Variants in SLC9A9 observed in about 807,000 individuals in gnomAD.
The protein encoded by SLC9A9 is sodium/hydrogen exchanger 9.
SLC9A9 carries 62 observed loss-of-function variants against 77.8 expected under a neutral mutation model. The observed-to-expected ratio is 0.80, with a 90% CI of 0.65 to 0.98. The LOEUF (loss-of-function observed/expected upper bound fraction) is 0.98. SLC9A9 is among the 50% of genes least tolerant of loss of function. The probability of loss-of-function intolerance (pLI) is 0.00; values close to 1 mark genes in which losing one functional copy is unlikely to be tolerated. For synonymous variants in SLC9A9, 320 were observed against 283.5 expected, an observed-to-expected ratio of 1.13 and a Z score of -1.29; for missense variants, 775 against 774.9, an observed-to-expected ratio of 1.00 and a Z score of 0.00.
In SLC9A9 at chr3:143,459,958, C is replaced by T. The variant is rs150761933; in HGVS notation, c.1469+7079G>A. Among the ~76,000 whole-genome samples, 66 of 152,196 alleles carry T rather than the reference C, an allele frequency of 4.3e-4. 1 individual carries two copies. The highest frequency in any genetic ancestry group is 1.4e-3 in the African/African-American group (59 of 41,538). ...CTGCCTTTGTAACTGTTGCTGCCATCGTCACCTGTCACCTTATGATTGCTG... is the reference window on the plus strand; with the variant it reads ...CTGCCTTTGTAACTGTTGCTGCCATTGTCACCTGTCACCTTATGATTGCTG... On this transcript the variant is annotated intron_variant, in intron 12 of 15. Coordinates refer to ENST00000316549, the MANE Select transcript of SLC9A9 (RefSeq NM_173653.4).
intron 5 of SLC9A9, among the ~76,000 whole-genome samples, chr3:143,690,878 C>G (rs1017358981): frequency 6.6e-6 from 1 of 152,012 alleles, no homozygotes; most frequent in Non-Finnish European, 1.5e-5. Context: ...AGGAGAGTAC[C>G]ACCAGCTAAT....
At chr3:143,561,406 G>A (rs778537960) in intron 8 of SLC9A9, among the ~76,000 whole-genome samples, 15 of 152,058 alleles carry the variant, frequency 9.9e-5, no homozygotes, top group East Asian at 3.8e-4. Flanking sequence ...TGGACAAGGG[G>A]CATAAAAATA....
At chr3:143,723,505 G>A (rs1017354461) in intron 4 of SLC9A9, among the ~76,000 whole-genome samples, 1 of 152,096 alleles carries the variant, frequency 6.6e-6, no homozygotes, top group African/African-American at 2.4e-5. Flanking sequence ...TATTTTACAT[G>A]TTAATTCAAA....
intron 5 of SLC9A9, among the ~76,000 whole-genome samples, chr3:143,654,891 G>C (rs552391904): frequency 6.6e-6 from 1 of 152,248 alleles, no homozygotes; most frequent in South Asian, 2.1e-4. Flanking sequence ...AAGAGGAAAG[G>C]CTTTTAATTG....
At chr3:143,710,623 G>C (rs1361078403) in intron 4 of SLC9A9, among the ~76,000 whole-genome samples, 1 of 152,182 alleles carries the variant, frequency 6.6e-6, no homozygotes, top group Non-Finnish European at 1.5e-5. Flanking sequence ...CAGGTTAATG[G>C]CTTGGTCACA....
chr3:143,287,748 A>T (rs774309441), intron 14 of SLC9A9, among the ~76,000 whole-genome samples: 1 of 152,208 alleles, frequency 6.6e-6, no homozygotes, highest in Non-Finnish European at 1.5e-5. Flanking sequence ...GAATTGTTAC[A>T]CCTACAGACC....
At chr3:143,637,104 C>T (rs1001992176) in intron 6 of SLC9A9, among the ~76,000 whole-genome samples, 1 of 152,190 alleles carries the variant, frequency 6.6e-6, no homozygotes, top group Non-Finnish European at 1.5e-5. Context: ...TCAAGGATCA[C>T]ACTAGCTCTC....
At chr3:143,428,338 G>A (rs1237353083) in intron 12 of SLC9A9, among the ~76,000 whole-genome samples, 1 of 151,852 alleles carries the variant, frequency 6.6e-6, no homozygotes, top group Non-Finnish European at 1.5e-5. Context: ...TACTGAACAT[G>A]CCTAATCATC....
intron 4 of SLC9A9, among the ~76,000 whole-genome samples, chr3:143,744,540 C>T (rs1935159921): frequency 6.6e-6 from 1 of 152,162 alleles, no homozygotes; most frequent in African/African-American, 2.4e-5. Context: ...CATCGCTACT[C>T]AGCAGCCTGC....
chr3:143,678,660 C>G (rs913944235), intron 5 of SLC9A9, among the ~76,000 whole-genome samples: 1 of 152,168 alleles, frequency 6.6e-6, no homozygotes, highest in African/African-American at 2.4e-5. Flanking sequence ...TAGGCCAATA[C>G]CACACTGATT....
At chr3:143,533,811 C>T (rs1379333877) in intron 9 of SLC9A9, among the ~76,000 whole-genome samples, 2 of 152,168 alleles carry the variant, frequency 1.3e-5, no homozygotes, top group African/African-American at 2.4e-5. Context: ...ATGAAAAGCT[C>T]TATGCACATT....
chr3:143,782,729 T>C (rs1367899728), intron 4 of SLC9A9, among the ~76,000 whole-genome samples: 2 of 152,234 alleles, frequency 1.3e-5, no homozygotes, highest in Non-Finnish European at 2.9e-5. Flanking sequence ...TTTACAAATC[T>C]TTTTATGAAC....
At chr3:143,429,388 T>G (rs368271372) in intron 12 of SLC9A9, among the ~76,000 whole-genome samples, 37 of 152,196 alleles carry the variant, frequency 2.4e-4, no homozygotes, top group African/African-American at 8.9e-4. Flanking sequence ...ACTTGAGATG[T>G]CATAATAGGA....
chr3:143,693,117 G>T, intron 5 of SLC9A9, 75 bp downstream of exon 5: 1 of 1,105,006 alleles, frequency 9.0e-7, no homozygotes, highest in Non-Finnish European at 1.4e-6. Context: ...AGACGCAGGT[G>T]ATGGTCTTGG....
At chr3:143,617,317 C>T (rs553728517) in intron 6 of SLC9A9, among the ~76,000 whole-genome samples, 2 of 152,308 alleles carry the variant, frequency 1.3e-5, no homozygotes, top group East Asian at 3.9e-4. Context: ...CATATGGCTG[C>T]TTTTGCACTA....
At chr3:143,606,721 G>A (rs894921104) in intron 6 of SLC9A9, among the ~76,000 whole-genome samples, 5 of 151,668 alleles carry the variant, frequency 3.3e-5, no homozygotes, top group Non-Finnish European at 7.4e-5. Flanking sequence ...CAGCTCAACC[G>A]AGAATTAGAA....
chr3:143,773,937 C>T (rs751179146), intron 4 of SLC9A9, among the ~76,000 whole-genome samples: 31 of 152,168 alleles, frequency 2.0e-4, no homozygotes, highest in Non-Finnish European at 3.4e-4. Context: ...AGGGGTTTTA[C>T]AAATGTTGGT....
intron 6 of SLC9A9, among the ~76,000 whole-genome samples, chr3:143,585,581 T>C (rs906063855): frequency 6.6e-6 from 1 of 152,244 alleles, no homozygotes; most frequent in Non-Finnish European, 1.5e-5. Flanking sequence ...CTTCCTGAGA[T>C]TGTGTCACGG....
chr3:143,290,569 TCA>T (rs946469549), intron 14 of SLC9A9, among the ~76,000 whole-genome samples: 3 of 152,128 alleles, frequency 2.0e-5, no homozygotes, highest in Non-Finnish European at 2.9e-5. Flanking sequence ...CTGTCAGCCA[TCA>T]CACATAGCAT....
Sources: allele counts gnomAD v4.1 joint callset (sites outside exome capture counted in the v4.1 genomes callset), GRCh38; gene constraint gnomAD v4.1.1; transcripts MANE v1.5; gene names NCBI Gene and HGNC (gene_info 2026-07-23, HGNC 2026-07-21).